Variants in ADCY8 observed in about 807,000 individuals in gnomAD.
ADCY8 encodes adenylate cyclase type 8.
A neutral mutation model predicts 119.7 loss-of-function variants in ADCY8; 51 were observed. The ratio of observed to expected loss-of-function variants is 0.43; its 90% CI spans 0.34 to 0.54. ADCY8 has a LOEUF of 0.54. ADCY8 is among the 20% of genes least tolerant of loss of function. The pLI is 0.03. For synonymous variants in ADCY8, 665 were observed against 651.0 expected, an observed-to-expected ratio of 1.02 and a Z score of -0.33; for missense variants, 1,383 against 1,598.8, an observed-to-expected ratio of 0.87 and a Z score of 2.30.
intron 2 of ADCY8, among the ~76,000 whole-genome samples, chr8:130,976,255 T>G (rs1427149733): frequency 6.6e-6 from 1 of 152,148 alleles, no homozygotes; most frequent in South Asian, 2.1e-4. Flanking sequence ...CTAGGGCCCC[T>G]CTGAAGGCCT....
intron 1 of ADCY8, among the ~76,000 whole-genome samples, chr8:131,018,574 G>A (rs139807351): frequency 0.01 from 1,541 of 152,304 alleles, 9 homozygotes; most frequent in Middle Eastern, 0.024. Flanking sequence ...TTCCCTGCAA[G>A]CTGCACAATG....
Position 130,869,366 on chromosome 8 carries a change from G to A in ADCY8, c.2110-1420C>T, listed in dbSNP as rs113190937. On this transcript the variant is annotated intron_variant, in intron 8 of 17. Transcript: ENST00000286355. ...CCAAGAACAGGTCACAATCATAGAG[G>A]CCTACACAGAGCAGCTTGAAAATTA... 9.3e-3 allele frequency among the ~76,000 whole-genome samples: 1,419 copies of A among 152,096 alleles called. 24 individuals carry two copies. The highest frequency in any genetic ancestry group is 0.033 in the African/African-American group (1,352 of 41,484).
intron 15 of ADCY8, among the ~76,000 whole-genome samples, chr8:130,791,836 C>G (rs941476217): frequency 6.6e-6 from 1 of 152,216 alleles, no homozygotes; most frequent in Non-Finnish European, 1.5e-5. Context: ...CCAGCATTCT[C>G]CTTTGTCCCT....
chr8:130,919,808 T>G (rs1364789922), intron 5 of ADCY8, among the ~76,000 whole-genome samples: 1 of 152,102 alleles, frequency 6.6e-6, no homozygotes, highest in Non-Finnish European at 1.5e-5. Context: ...CCAGCCCACT[T>G]CCTGTGCCCT....
At chr8:130,809,146 T>C (rs1426699325) in intron 14 of ADCY8, among the ~76,000 whole-genome samples, 1 of 152,214 alleles carries the variant, frequency 6.6e-6, no homozygotes, top group Non-Finnish European at 1.5e-5. Flanking sequence ...CGCCTGTGTT[T>C]GGATGGTTTG....
In ADCY8 at chr8:130,962,880, G is replaced by A. The variant is rs1821646658; in HGVS notation, c.1111-10882C>T. 2.0e-5 allele frequency among the ~76,000 whole-genome samples: 3 copies of A among 152,158 alleles called. No homozygotes were observed. The South Asian group carries it at 6.2e-4, about 32-fold the overall frequency. ...AGGCACTGGGGAGAGACTTGTTCTG[G>A]AGTTACAAAAAATATCTTATTGTTG... On this transcript the variant is annotated intron_variant, in intron 2 of 17. Coordinates refer to ENST00000286355, the MANE Select transcript of ADCY8 (RefSeq NM_001115.3).
chr8:130,929,254 G>A (rs1002161322), intron 5 of ADCY8, among the ~76,000 whole-genome samples: 3 of 151,940 alleles, frequency 2.0e-5, no homozygotes, highest in African/African-American at 7.2e-5. Context: ...GTTTATTTGA[G>A]ATCCTCTTTT....
chr8:130,997,238 CATATACATATAT>C (rs2130754788), intron 1 of ADCY8, among the ~76,000 whole-genome samples: 1 of 51,130 alleles, frequency 2.0e-5, no homozygotes, highest in Admixed American at 2.3e-4. Context: ...TATATATATA[CATATACATATAT>C]ACATATACAT....
At chr8:130,795,780 G>GGT (rs140027471) in intron 15 of ADCY8, among the ~76,000 whole-genome samples, 3,937 of 151,026 alleles carry the variant, frequency 0.026, 58 homozygotes, top group African/African-American at 0.036. Flanking sequence ...GCTTGGCTTT[G>GGT]GTGTGTGTGT....
At chr8:130,799,746 C>T (rs142606405) in intron 15 of ADCY8, among the ~76,000 whole-genome samples, 20 of 152,348 alleles carry the variant, frequency 1.3e-4, no homozygotes, top group African/African-American at 4.8e-4. Flanking sequence ...ATTTATGTGC[C>T]TGAGTTCCCT....
chr8:130,922,020 G>A (rs1820323837), intron 5 of ADCY8, among the ~76,000 whole-genome samples: 1 of 152,000 alleles, frequency 6.6e-6, no homozygotes, highest in South Asian at 2.1e-4. Flanking sequence ...CAGTGGAACT[G>A]GTGGATTAAT....
intron 1 of ADCY8, among the ~76,000 whole-genome samples, chr8:131,037,813 T>C (rs1457987356): frequency 6.6e-6 from 1 of 152,034 alleles, no homozygotes; most frequent in Non-Finnish European, 1.5e-5. Context: ...GATTGAGAAA[T>C]AGTTAATACC....
At chr8:130,846,597 TCCTC>T (rs1363470225) in intron 11 of ADCY8, among the ~76,000 whole-genome samples, 1 of 116,134 alleles carries the variant, frequency 8.6e-6, no homozygotes, top group Admixed American at 9.1e-5. Context: ...CTCCCTTCCT[TCCTC>T]CCTCCCTTCC....
chr8:130,846,885 C>CCTT (rs1563689805), intron 11 of ADCY8, among the ~76,000 whole-genome samples: 356 of 17,654 alleles, frequency 0.02, 20 homozygotes, highest in African/African-American at 0.06. Flanking sequence ...CCCTTCCCTT[C>CCTT]CCTTTCCTTC....
At chr8:130,865,578 A>G (rs1019091239) in intron 9 of ADCY8, among the ~76,000 whole-genome samples, 3 of 152,116 alleles carry the variant, frequency 2.0e-5, no homozygotes, top group African/African-American at 7.2e-5. Context: ...TAGTATTGCC[A>G]TCAATATATT....
At chr8:130,958,471 A>G (rs1244683791) in intron 2 of ADCY8, among the ~76,000 whole-genome samples, 1 of 152,140 alleles carries the variant, frequency 6.6e-6, no homozygotes, top group African/African-American at 2.4e-5. Flanking sequence ...GCTGCTAATG[A>G]AGACGTATCT....
At chr8:130,894,669 G>GT (rs1819321775) in intron 7 of ADCY8, among the ~76,000 whole-genome samples, 1 of 152,130 alleles carries the variant, frequency 6.6e-6, no homozygotes, top group Non-Finnish European at 1.5e-5. Flanking sequence ...ATAAGCCACT[G>GT]TAAGTCTCTT....
intron 12 of ADCY8, among the ~76,000 whole-genome samples, chr8:130,826,214 A>C (rs527644777): frequency 6.6e-6 from 1 of 152,334 alleles, no homozygotes; most frequent in African/African-American, 2.4e-5. Flanking sequence ...GATGGCACTC[A>C]CATCAAAAGG....
At chr8:131,022,457 C>A (rs1327687030) in intron 1 of ADCY8, among the ~76,000 whole-genome samples, 2 of 152,100 alleles carry the variant, frequency 1.3e-5, no homozygotes, top group Non-Finnish European at 2.9e-5. Flanking sequence ...TGAACTCATC[C>A]TTTTTTATGG....
Sources: allele counts gnomAD v4.1 joint callset (sites outside exome capture counted in the v4.1 genomes callset), GRCh38; gene constraint gnomAD v4.1.1; transcripts MANE v1.5; gene names NCBI Gene and HGNC (gene_info 2026-07-23, HGNC 2026-07-21).